Variants in C19orf18 observed in about 807,000 individuals in gnomAD.
The protein encoded by C19orf18 is uncharacterized protein C19orf18.
A neutral mutation model predicts 23.3 loss-of-function variants in C19orf18; 21 were observed. The ratio of observed to expected loss-of-function variants is 0.90; its 90% confidence interval spans 0.64 to 1.30. The LOEUF is 1.30. Ranked by LOEUF, C19orf18 falls within the 50% of genes most tolerant of loss-of-function variation. The pLI is 0.00. For missense variants in C19orf18, 249 were observed against 259.6 expected, an observed-to-expected ratio of 0.96 and a Z score of 0.28; for synonymous variants, 96 against 95.2, an observed-to-expected ratio of 1.01 and a Z score of -0.05.
rs531297417 is a variant in C19orf18, at chr19:57,974,337, G to A, written c.96C>T (p.Pro32=). 20 of 1,614,122 alleles carry A rather than the reference G, an allele frequency of 1.2e-5. No homozygotes were observed. The East Asian group carries it at 4.0e-4, about 32-fold the overall frequency. ...LCLPYADGLH[P]TGNITGLPGS... is the part of the protein sequence containing the mutation. Reference sequence around the variant, plus strand: ...CTGGTAAGCCTGTTATGTTTCCAGTGGGATGGAGTCCATCTGCATACGGCA... The same window carrying A: ...CTGGTAAGCCTGTTATGTTTCCAGTAGGATGGAGTCCATCTGCATACGGCA... The change falls in exon 1 of 6, where the codon CCC becomes CCT. Residue 32 remains proline, a synonymous_variant. Coordinates refer to ENST00000314391, the MANE Select transcript of C19orf18 (RefSeq NM_152474.5).
At chr19:57,961,355 G>A (rs1047215061) in intron 5 of C19orf18, 36 bp downstream of exon 5, 2 of 1,539,732 alleles carry the variant, frequency 1.3e-6, no homozygotes, top group African/African-American at 1.4e-5. Context: ...CTGCCAGCTT[G>A]GCTTTCCTGC....
chr19:57,962,206 G>A (rs1189099793), intron 4 of C19orf18, among the ~76,000 whole-genome samples: 2 of 151,576 alleles, frequency 1.3e-5, no homozygotes, highest in South Asian at 2.1e-4. Context: ...AATTATTTTT[G>A]TATTTTTTTT....
At chr19:57,972,059 C>T (rs529382556) in intron 3 of C19orf18, among the ~76,000 whole-genome samples, 82 of 152,212 alleles carry the variant, frequency 5.4e-4, no homozygotes, top group African/African-American at 1.9e-3. Flanking sequence ...TGCTCTGGGG[C>T]GGGAGCAGCA....
At position 57,961,516 on chromosome 19, in the gene C19orf18, T is replaced by G. The variant is rs149553711; in HGVS notation, c.407A>C (p.Glu136Ala). Reference sequence around the variant, plus strand: ...TATCCTGAGGTTCTTATAAAGTGACTCGAGCTGTTGTCTTTCCTCAGCCTG... The same window carrying G: ...TATCCTGAGGTTCTTATAAAGTGACGCGAGCTGTTGTCTTTCCTCAGCCTG... ...LAQAEERQQLESLYKNLRIPL... is the reference protein window; with the variant it reads ...LAQAEERQQLASLYKNLRIPL... Residue 136 changes from glutamate to alanine, a missense_variant, in exon 5 of 6, where the codon GAG (glutamate) becomes GCG (alanine). Coordinates refer to ENST00000314391, the MANE Select transcript of C19orf18 (RefSeq NM_152474.5). 86 of 1,613,992 alleles carry G rather than the reference T, an allele frequency of 5.3e-5. No individual in the cohort carries two copies. The African/African-American group carries it at 1.0e-3, about 20-fold the overall frequency.
chr19:57,965,154 G>T (rs1186244744), intron 4 of C19orf18, among the ~76,000 whole-genome samples: 1 of 76,726 alleles, frequency 1.3e-5, no homozygotes, highest in East Asian at 3.3e-4. Context: ...TATTATTTGC[G>T]ACAGAGTTTT....
rs762908137 is a variant in C19orf18 at position 57,966,647 on chromosome 19, A to G, written c.269-15T>C. ...CCGAATTATTGCTAAAAAGAAAGAA[A>G]AGAAAAGAAGTGCTCAAAAATGTTC... On this transcript the variant is annotated splice_polypyrimidine_tract_variant and intron_variant, in intron 3 of 5. Transcript: ENST00000314391. The G allele has an allele frequency of 6.4e-7, 1 of 1,551,178 alleles. No individual in the cohort carries two copies. Among genetic ancestry groups the G allele is most frequent in the Non-Finnish European group, 8.9e-7 (1 of 1,125,332 alleles).
intron 2 of C19orf18, among the ~76,000 whole-genome samples, chr19:57,972,887 G>A (rs1459126381): frequency 6.6e-6 from 1 of 152,100 alleles, no homozygotes; most frequent in African/African-American, 2.4e-5. Context: ...CAAGGGTTGG[G>A]CACAGTGGCT....
intron 2 of C19orf18, 95 bp downstream of exon 2, chr19:57,974,004 T>A (rs2072965289): frequency 8.1e-7 from 1 of 1,234,578 alleles, no homozygotes; most frequent in Non-Finnish European, 1.2e-6. Flanking sequence ...TATGGACCTT[T>A]CTACCAGCAA....
chr19:57,969,352 C>A (rs993472278), intron 3 of C19orf18, among the ~76,000 whole-genome samples: 1 of 150,698 alleles, frequency 6.6e-6, no homozygotes, highest in Non-Finnish European at 1.5e-5. Context: ...GTCAGGAGTT[C>A]AAGACCAGCC....
At chr19:57,972,388 C>T (rs1392123388) in intron 3 of C19orf18, 75 bp downstream of exon 3, 8 of 1,553,388 alleles carry the variant, frequency 5.2e-6, no homozygotes, top group Non-Finnish European at 7.1e-6. Flanking sequence ...CCAGCCAGCA[C>T]CCTCTGGAGC....
At chr19:57,969,879 C>CAAA (rs71293938) in intron 3 of C19orf18, among the ~76,000 whole-genome samples, 21,842 of 120,638 alleles carry the variant, frequency 0.18, 1,956 homozygotes, top group African/African-American at 0.25. Flanking sequence ...AACTCCATCT[C>CAAA]AAAAAAAAAA....
chr19:57,966,047 G>A (rs1007382995), intron 4 of C19orf18, among the ~76,000 whole-genome samples: 14 of 149,882 alleles, frequency 9.3e-5, no homozygotes, highest in African/African-American at 3.2e-4. Context: ...GCACGATCTC[G>A]GCTCACTGCA....
At position 57,961,583 on chromosome 19, in the gene C19orf18, CAG is replaced by C. The variant is rs991489024; in HGVS notation, c.372-34_372-33del. The C allele has an allele frequency of 5.9e-6, 9 of 1,530,758 alleles. No homozygotes were observed. The African/African-American group carries it at 1.5e-4, about 25-fold the overall frequency. The allele number at this position is 1,530,758 out of a possible 1,614,324, so 94.8% of individuals were successfully genotyped here. A position where few individuals can be genotyped will look rare whatever the true frequency, so the allele number is the denominator to read the frequency against. On this transcript the variant is annotated intron_variant, in intron 4 of 5. Coordinates refer to ENST00000314391, the MANE Select transcript of C19orf18 (RefSeq NM_152474.5). ...AATGATATAAATGAATTTAGAAGCA[CAG>C]TTTTCATGATGAATAATTCATTTCT...
chr19:57,963,916 T>C (rs960938749), intron 4 of C19orf18, among the ~76,000 whole-genome samples: 1 of 152,012 alleles, frequency 6.6e-6, no homozygotes, highest in African/African-American at 2.4e-5. Flanking sequence ...AAAATAAATA[T>C]TTTATCTCTA....
At position 57,972,478 on chromosome 19, in the gene C19orf18, AT is replaced by A; in HGVS notation, c.252del (p.Lys84AsnfsTer3). Reference protein sequence around the residue: ...STAASPTNPMKFLRNKAIIRH... With the variant: ...STAASPTNPMXFLRNKAIIRH... ...CTTGGCTTACCTTTATTCCTCAGGAATTTCATGGGGTTCGTAGGGGATGCAG... is the reference window on the plus strand; with the variant it reads ...CTTGGCTTACCTTTATTCCTCAGGAATTCATGGGGTTCGTAGGGGATGCAG... On this transcript the variant is annotated frameshift_variant, in exon 3 of 6. Coordinates refer to ENST00000314391, the MANE Select transcript of C19orf18 (RefSeq NM_152474.5). LOFTEE classifies it high-confidence loss of function. The A allele has an allele frequency of 6.2e-7, 1 of 1,614,100 alleles. No individual in the cohort carries two copies. Among genetic ancestry groups the A allele is most frequent in the South Asian group, 1.1e-5 (1 of 91,070 alleles).
At chr19:57,967,870 G>C (rs897097459) in intron 3 of C19orf18, among the ~76,000 whole-genome samples, 12 of 151,954 alleles carry the variant, frequency 7.9e-5, no homozygotes, top group Non-Finnish European at 1.6e-4. Flanking sequence ...AAATTAGCTG[G>C]GCATGGTGGC....
intron 4 of C19orf18, among the ~76,000 whole-genome samples, chr19:57,965,286 C>G (rs1391122757): frequency 6.6e-6 from 1 of 152,084 alleles, no homozygotes; most frequent in Non-Finnish European, 1.5e-5. Context: ...AGGTGCCCAC[C>G]ACTACGCCCA....
At chr19:57,959,794 CA>C (rs35485603) in intron 5 of C19orf18, among the ~76,000 whole-genome samples, 60,794 of 99,126 alleles carry the variant, frequency 0.61, 16,196 homozygotes, top group African/African-American at 0.77. Flanking sequence ...AACTCTGCCT[CA>C]AAAAAAAAAA....
At chr19:57,968,260 C>G (rs999246216) in intron 3 of C19orf18, among the ~76,000 whole-genome samples, 2 of 152,222 alleles carry the variant, frequency 1.3e-5, no homozygotes, top group Non-Finnish European at 2.9e-5. Context: ...GACCGCATCA[C>G]CTCCTAAAGG....
Sources: gnomAD v4.1 joint callset for allele counts (sites outside exome capture counted in the v4.1 genomes callset) on GRCh38, gnomAD v4.1.1 for gene constraint, MANE v1.5 for transcripts, NCBI Gene and HGNC (gene_info 2026-07-23, HGNC 2026-07-21) for gene names.